The following COP1 variants were observed in gnomAD, a reference collection of about 807,000 sequenced individuals.
COP1 encodes COP1 E3 ubiquitin ligase, also known as E3 ubiquitin-protein ligase COP1.
COP1 carries 24 observed loss-of-function variants against 101.3 expected under a neutral mutation model. That is an observed-to-expected ratio of 0.24 (90% CI 0.17 to 0.33). The LOEUF is 0.33. Ranked by LOEUF, COP1 falls within the 10% of genes least tolerant of loss-of-function variation. COP1 has a pLI of 1.00. For missense variants in COP1, 663 were observed against 906.2 expected (o/e 0.73, Z 3.45); for synonymous variants, 347 against 341.9 (o/e 1.01, Z -0.17).
chr1:176,115,001 C>T (rs963421426), intron 9 of COP1, among the ~76,000 whole-genome samples: 5 of 152,058 alleles, frequency 3.3e-5, no homozygotes, highest in South Asian at 2.1e-4. Context: ...AGAAATTATA[C>T]GCATATATAG....
At chr1:176,156,471 T>C (rs1693464962) in intron 5 of COP1, among the ~76,000 whole-genome samples, 1 of 152,130 alleles carries the variant, frequency 6.6e-6, no homozygotes, top group African/African-American at 2.4e-5. Flanking sequence ...AAAATTTAAA[T>C]GGACTTAAGC....
intron 18 of COP1, among the ~76,000 whole-genome samples, chr1:175,963,792 G>T (rs1356851212): frequency 6.6e-6 from 1 of 151,942 alleles, no homozygotes. Context: ...TCCCTCTAGG[G>T]TCAATAATTT....
At chr1:175,980,965 T>C (rs1655700540) in intron 18 of COP1, among the ~76,000 whole-genome samples, 1 of 152,134 alleles carries the variant, frequency 6.6e-6, no homozygotes, top group Admixed American at 6.5e-5. Context: ...TTCATTTGTA[T>C]ACTTAAAACA....
At position 176,057,482 on chromosome 1, in the gene COP1, G is replaced by A. The variant is rs1367315545; in HGVS notation, c.1278-11158C>T. Among the ~76,000 whole-genome samples the A allele has an allele frequency of 7.2e-5, 11 of 152,182 alleles. No individual in the cohort carries two copies. In the East Asian group the frequency reaches 1.4e-3, roughly 19 times the overall value. ...GCCGAGTGCCTGCGATTGCAGGCGC[G>A]CGCCGCCACGCCTGATTGGTTTTCG... On this transcript the variant is annotated intron_variant, in intron 11 of 19. Transcript: ENST00000367669.
At chr1:176,179,055 C>T (rs1370479572) in intron 2 of COP1, among the ~76,000 whole-genome samples, 6 of 151,582 alleles carry the variant, frequency 4.0e-5, no homozygotes, top group Non-Finnish European at 7.4e-5. Context: ...TTTGGGAGGC[C>T]ACGGTGGGTG....
intron 11 of COP1, among the ~76,000 whole-genome samples, chr1:176,073,225 G>A (rs1377554968): frequency 6.6e-6 from 1 of 152,132 alleles, no homozygotes; most frequent in Non-Finnish European, 1.5e-5. Context: ...GTCTAAAAAT[G>A]AGTAGGTAAC....
chr1:176,004,899 A>C (rs78965446), intron 15 of COP1, among the ~76,000 whole-genome samples: 11 of 150,736 alleles, frequency 7.3e-5, no homozygotes, highest in Non-Finnish European at 1.6e-4. Flanking sequence ...CTCTTTTTCT[A>C]TTGATTGGAA....
At chr1:175,974,161 G>A (rs1653945799) in intron 18 of COP1, among the ~76,000 whole-genome samples, 1 of 152,162 alleles carries the variant, frequency 6.6e-6, no homozygotes, top group African/African-American at 2.4e-5. Flanking sequence ...AAACTAAATG[G>A]CAGGAGCTTG....
At chr1:176,062,788 A>C (rs1046420336) in intron 11 of COP1, among the ~76,000 whole-genome samples, 1 of 148,932 alleles carries the variant, frequency 6.7e-6, no homozygotes, top group African/African-American at 2.5e-5. Flanking sequence ...AAACTGTAGA[A>C]TATTTAGACA....
At chr1:175,956,487 A>G in intron 18 of COP1, among the ~76,000 whole-genome samples, 1 of 152,086 alleles carries the variant, frequency 6.6e-6, no homozygotes, top group East Asian at 1.9e-4. Context: ...AAACATGTAC[A>G]ATAAAGGAAA....
At chr1:176,137,481 C>T (rs959183942) in intron 6 of COP1, among the ~76,000 whole-genome samples, 3 of 152,100 alleles carry the variant, frequency 2.0e-5, no homozygotes, top group Non-Finnish European at 4.4e-5. Flanking sequence ...CGCCAGGATG[C>T]GGTTGTCTTA....
rs540467395 is a variant in COP1 at position 176,098,563 on chromosome 1, T to C, written c.1027-12673A>G. Among the ~76,000 whole-genome samples the C allele has an allele frequency of 5.3e-5, 8 of 152,358 alleles. No individual in the cohort carries two copies. In the South Asian group the frequency reaches 1.7e-3, roughly 32 times the overall value. ...AAAATAAATTCTCTGTGTTAACATA[T>C]TGACTAACTTCAAAAAGGCATTATA... On this transcript the variant is annotated intron_variant, in intron 9 of 19. Coordinates refer to ENST00000367669, the MANE Select transcript of COP1 (RefSeq NM_022457.7).
intron 11 of COP1, among the ~76,000 whole-genome samples, chr1:176,051,036 G>A (rs1190213189): frequency 6.6e-6 from 1 of 152,052 alleles, no homozygotes; most frequent in East Asian, 1.9e-4. Context: ...TTCAGCCTGT[G>A]CAACAATTTA....
At chr1:176,053,958 G>A (rs1673005105) in intron 11 of COP1, among the ~76,000 whole-genome samples, 1 of 152,042 alleles carries the variant, frequency 6.6e-6, no homozygotes, top group African/African-American at 2.4e-5. Flanking sequence ...AATATGGTTA[G>A]AGAAAAAACA....
intron 1 of COP1, among the ~76,000 whole-genome samples, chr1:176,191,659 T>C (rs1205460118): frequency 6.6e-6 from 1 of 152,082 alleles, no homozygotes. Context: ...TCTGAACCAA[T>C]CTTCACAGGC....
In COP1 at chr1:175,987,185, C is replaced by T. The variant is rs1406519735; in HGVS notation, c.1973-82G>A. ...TCACAGTCTAATAGTAATTATCAGC[C>T]AAAGTTATAGTTCAAAGATCTTTTA... On this transcript the variant is annotated intron_variant, in intron 17 of 19. Transcript: ENST00000367669. 4.2e-6 allele frequency: 3 copies of T among 706,134 alleles called. No individual in the cohort carries two copies. In the African/African-American group the frequency reaches 5.5e-5, roughly 13 times the overall value. 43.7% of individuals were successfully genotyped at this position (706,134 alleles called of 1,614,324 possible).
At chr1:176,017,307 C>G (rs1039156976) in intron 15 of COP1, 3 of 152,130 alleles carry the variant, frequency 2.0e-5, no homozygotes, top group African/African-American at 4.8e-5. Context: ...AACTCAATTT[C>G]AAAAATCCTG....
chr1:176,095,678 C>CAGA (rs1407026905), intron 9 of COP1, among the ~76,000 whole-genome samples: 3 of 130,692 alleles, frequency 2.3e-5, no homozygotes, highest in African/African-American at 8.7e-5. Flanking sequence ...GACCCTGTCT[C>CAGA]AGAAAAAAAA....
chr1:176,148,935 A>T, intron 6 of COP1, 71 bp downstream of exon 6: 1 of 997,908 alleles, frequency 1.0e-6, no homozygotes, highest in African/African-American at 1.7e-5. Context: ...TTAGCCTGAA[A>T]TGCTTTTACA....
Sources: allele counts gnomAD v4.1 joint callset (sites outside exome capture counted in the v4.1 genomes callset), GRCh38; gene constraint gnomAD v4.1.1; transcripts MANE v1.5; gene names NCBI Gene and HGNC (gene_info 2026-07-23, HGNC 2026-07-21).